GALNTL6: variants seen among roughly 807,000 people sequenced by gnomAD.
The protein encoded by GALNTL6 is polypeptide N-acetylgalactosaminyltransferase like 6, also known as polypeptide N-acetylgalactosaminyltransferase-like 6.
In GALNTL6, 46 loss-of-function variants were observed where a neutral mutation model predicts 73.7. The ratio of observed to expected loss-of-function variants is 0.62; its 90% CI spans 0.49 to 0.80. The LOEUF (loss-of-function observed/expected upper bound fraction) is 0.80. Among genes scored for constraint, GALNTL6 ranks in the 30% least tolerant of loss-of-function variants. The pLI, the probability that GALNTL6 is intolerant of heterozygous loss-of-function variation, is 0.00. For missense variants in GALNTL6, 604 were observed against 755.0 expected (o/e 0.80, Z 2.34); for synonymous variants, 259 against 263.7 (o/e 0.98, Z 0.17).
At chr4:172,740,802 A>T (rs6844200) in intron 5 of GALNTL6, among the ~76,000 whole-genome samples, 22,197 of 152,090 alleles carry the variant, frequency 0.15, 1,885 homozygotes, top group East Asian at 0.26. Flanking sequence ...TAAGACTGTG[A>T]TGTGGCTAAT....
chr4:172,006,818 G>T (rs1216713625), intron 2 of GALNTL6, among the ~76,000 whole-genome samples: 1 of 151,652 alleles, frequency 6.6e-6, no homozygotes, highest in Non-Finnish European at 1.5e-5. Flanking sequence ...GGATTCTGAG[G>T]TTCTTTAATT....
At chr4:172,502,784 T>C (rs1368538169) in intron 5 of GALNTL6, among the ~76,000 whole-genome samples, 2 of 152,174 alleles carry the variant, frequency 1.3e-5, no homozygotes, top group East Asian at 3.9e-4. Flanking sequence ...TAGCATCAAA[T>C]GTTACAGACT....
At chr4:172,111,595 T>C (rs1485006777) in intron 2 of GALNTL6, among the ~76,000 whole-genome samples, 2 of 152,092 alleles carry the variant, frequency 1.3e-5, no homozygotes, top group Non-Finnish European at 2.9e-5. Context: ...ATTTTAGATT[T>C]ACATTCCTAT....
rs1205044081 is a variant in GALNTL6 at position 172,071,699 on chromosome 4, G to A, written c.139-157957G>A. Among the ~76,000 whole-genome samples, 4 of 46,674 alleles carry A rather than the reference G, an allele frequency of 8.6e-5. 1 individual carries two copies. Among genetic ancestry groups the A allele is most frequent in the Non-Finnish European group, 2.0e-4 (4 of 19,652 alleles). 30.6% of individuals were successfully genotyped at this position (46,674 alleles called of 152,430 possible). On this transcript the variant is annotated intron_variant, in intron 2 of 12. Coordinates refer to ENST00000506823, the MANE Select transcript of GALNTL6 (RefSeq NM_001034845.3). Reference sequence around the variant, plus strand: ...AAAAAGGAAAAGCTATTTATTCAGAGCTTGCTAGTGCAAGGGAGTCAGCAA... The same window carrying A: ...AAAAAGGAAAAGCTATTTATTCAGAACTTGCTAGTGCAAGGGAGTCAGCAA...
intron 8 of GALNTL6, among the ~76,000 whole-genome samples, chr4:172,910,110 A>G (rs1436224779): frequency 6.6e-6 from 1 of 151,982 alleles, no homozygotes; most frequent in Non-Finnish European, 1.5e-5. Flanking sequence ...AAACATATAT[A>G]GTATATGTGA....
At chr4:172,066,563 T>G (rs1231221168) in intron 2 of GALNTL6, among the ~76,000 whole-genome samples, 1 of 151,122 alleles carries the variant, frequency 6.6e-6, no homozygotes, top group Non-Finnish European at 1.5e-5. Flanking sequence ...TTTCCTGTTA[T>G]GGAGTGGAAG....
intron 2 of GALNTL6, among the ~76,000 whole-genome samples, chr4:171,959,741 T>C (rs1739165837): frequency 6.6e-6 from 1 of 152,192 alleles, no homozygotes; most frequent in Non-Finnish European, 1.5e-5. Context: ...ATTGGCAATG[T>C]GAGCTCAAAA....
chr4:172,369,694 T>A (rs1742713225), intron 5 of GALNTL6, among the ~76,000 whole-genome samples: 1 of 152,150 alleles, frequency 6.6e-6, no homozygotes. Context: ...TGGTGCACCC[T>A]CTGCAGATGC....
chr4:172,312,732 AT>A (rs1487269512), intron 4 of GALNTL6, among the ~76,000 whole-genome samples: 2 of 152,216 alleles, frequency 1.3e-5, no homozygotes, highest in East Asian at 1.9e-4. Context: ...TTAGAAAAAA[AT>A]ATCAGTACAT....
intron 2 of GALNTL6, among the ~76,000 whole-genome samples, chr4:172,095,723 C>T (rs1473714121): frequency 6.6e-6 from 1 of 152,062 alleles, no homozygotes; most frequent in Non-Finnish European, 1.5e-5. Context: ...GGGCTTATTG[C>T]AATCACTCAT....
intron 2 of GALNTL6, among the ~76,000 whole-genome samples, chr4:172,181,616 A>G (rs898260679): frequency 3.1e-5 from 4 of 129,632 alleles, no homozygotes; most frequent in African/African-American, 1.5e-4. Flanking sequence ...GGCAAGAGAA[A>G]GAAAGGGCAT....
chr4:172,750,646 T>C (rs1737370440), intron 5 of GALNTL6, among the ~76,000 whole-genome samples: 1 of 152,214 alleles, frequency 6.6e-6, no homozygotes, highest in Non-Finnish European at 1.5e-5. Context: ...TTCCCATTTA[T>C]AATATAATAC....
intron 5 of GALNTL6, among the ~76,000 whole-genome samples, chr4:172,531,691 A>C (rs1194220800): frequency 2.6e-5 from 4 of 152,138 alleles, no homozygotes. Flanking sequence ...CTGCTGGCTG[A>C]GGGGAGAGAG....
rs1325378682 is a variant in GALNTL6, at chr4:173,031,788, G to A, written c.1639-8145G>A. Among the ~76,000 whole-genome samples the A allele has an allele frequency of 3.3e-5, 5 of 152,222 alleles. No individual in the cohort carries two copies. In the South Asian group the frequency reaches 1.0e-3, roughly 32 times the overall value. ...GACGGAAACAAGGTGCAAAACTTAC[G>A]GGCTTATTCTACTCATGGAGATTTC... On this transcript the variant is annotated intron_variant, in intron 12 of 12. Coordinates refer to ENST00000506823, the MANE Select transcript of GALNTL6 (RefSeq NM_001034845.3).
intron 5 of GALNTL6, among the ~76,000 whole-genome samples, chr4:172,624,857 T>C (rs1739102680): frequency 6.6e-6 from 1 of 151,902 alleles, no homozygotes; most frequent in Admixed American, 6.6e-5. Flanking sequence ...TGCCAGTTTG[T>C]AACCTGGGTA....
At chr4:172,189,132 A>G (rs965333800) in intron 2 of GALNTL6, among the ~76,000 whole-genome samples, 2 of 152,184 alleles carry the variant, frequency 1.3e-5, no homozygotes, top group African/African-American at 4.8e-5. Context: ...AAAAATGTAT[A>G]CACTTCACCA....
chr4:171,909,279 C>CA (rs1237307052), intron 2 of GALNTL6, among the ~76,000 whole-genome samples: 2 of 151,554 alleles, frequency 1.3e-5, no homozygotes, highest in African/African-American at 4.8e-5. Context: ...ATTTTTAAGA[C>CA]ATTTATACAG....
Position 172,813,538 on chromosome 4 carries a change from A to C in GALNTL6, c.740-2A>C, listed in dbSNP as rs1258945690. The C allele has an allele frequency of 6.3e-7, 1 of 1,587,556 alleles. No homozygotes were observed. Among genetic ancestry groups the C allele is most frequent in the Non-Finnish European group, 8.6e-7 (1 of 1,159,848 alleles). Reference sequence around the variant, plus strand: ...TTCCTATTTTGTGCTTTCATTTTTCAGACCAAATTGCACTAAACCACAAAA... The same window carrying C: ...TTCCTATTTTGTGCTTTCATTTTTCCGACCAAATTGCACTAAACCACAAAA... On this transcript the variant is annotated splice_acceptor_variant, in intron 6 of 12. Transcript: ENST00000506823. LOFTEE classifies it high-confidence loss of function.
chr4:172,628,621 C>T, intron 5 of GALNTL6, among the ~76,000 whole-genome samples: 1 of 151,888 alleles, frequency 6.6e-6, no homozygotes, highest in Non-Finnish European at 1.5e-5. Flanking sequence ...TCTTTGTGCC[C>T]ATAGGTGCTG....
Sources: gnomAD v4.1 joint callset for allele counts (sites outside exome capture counted in the v4.1 genomes callset) on GRCh38, gnomAD v4.1.1 for gene constraint, MANE v1.5 for transcripts, NCBI Gene and HGNC (gene_info 2026-07-23, HGNC 2026-07-21) for gene names.